The following SPAG9 variants were observed in gnomAD, a reference collection of about 807,000 sequenced individuals.
The protein encoded by SPAG9 is sperm associated antigen 9.
SPAG9 carries 35 observed loss-of-function variants against 166.5 expected under a neutral mutation model. The observed-to-expected ratio is 0.21, with a 90% CI of 0.16 to 0.28. The LOEUF is 0.28. Among genes scored for constraint, SPAG9 ranks in the 10% least tolerant of loss-of-function variants. The pLI is 1.00. For missense variants in SPAG9, 1,235 were observed against 1,603.3 expected, an observed-to-expected ratio of 0.77 and a Z score of 3.92; for synonymous variants, 534 against 565.5, an observed-to-expected ratio of 0.94 and a Z score of 0.79.
At chr17:50,995,837 A>T (rs1407257101) in intron 16 of SPAG9, 9 of 265,266 alleles carry the variant, frequency 3.4e-5, no homozygotes, top group East Asian at 8.7e-5. Flanking sequence ...CTAATTTTTT[A>T]AATTTTTTGT....
chr17:51,008,243 C>T (rs1055763168), intron 9 of SPAG9, among the ~76,000 whole-genome samples: 4 of 152,048 alleles, frequency 2.6e-5, no homozygotes, highest in East Asian at 1.9e-4. Context: ...GAGATAAGCA[C>T]GTAGAGCATC....
intron 20 of SPAG9, 98 bp from the exon 21 acceptor site, chr17:50,989,970 A>ACTC (rs1228951981): frequency 1.1e-6 from 1 of 904,312 alleles, no homozygotes; most frequent in Non-Finnish European, 1.8e-6. Flanking sequence ...CCATCTACCC[A>ACTC]CTCCTTCACA....
At chr17:51,052,463 G>A (rs1488342575) in intron 3 of SPAG9, among the ~76,000 whole-genome samples, 1 of 152,126 alleles carries the variant, frequency 6.6e-6, no homozygotes, top group Non-Finnish European at 1.5e-5. Context: ...TCAGGTCAGA[G>A]GATAGAAGCT....
At chr17:51,051,491 G>A (rs968267538) in intron 3 of SPAG9, among the ~76,000 whole-genome samples, 1 of 152,164 alleles carries the variant, frequency 6.6e-6, no homozygotes, top group African/African-American at 2.4e-5. Flanking sequence ...AGGCCGGGAC[G>A]GGCAGATCAC....
chr17:51,105,528 C>G (rs1165344230), intron 1 of SPAG9, among the ~76,000 whole-genome samples: 1 of 152,114 alleles, frequency 6.6e-6, no homozygotes, highest in Admixed American at 6.6e-5. Context: ...GCTGAAAGAG[C>G]AGCTTAACCT....
Position 51,007,239 on chromosome 17 carries a change from ATCTTCTGTTAAAAT to A in SPAG9, c.1271+16_1271+29del, listed in dbSNP as rs1408118557. On this transcript the variant is annotated intron_variant, in intron 10 of 29. Transcript: ENST00000262013. ...GACTTGGACAAGAAGAAAATTCTTT[ATCTTCTGTTAAAAT>A]TTCACATATACTTACTTGGTTTCCA... 1 of 1,283,126 alleles carries A rather than the reference ATCTTCTGTTAAAAT, an allele frequency of 7.8e-7. No individual in the cohort carries two copies. The highest frequency in any genetic ancestry group is 1.5e-5 in the African/African-American group (1 of 66,756). 79.5% of individuals were successfully genotyped at this position (1,283,126 alleles called of 1,614,324 possible).
At position 50,993,941 on chromosome 17, in the gene SPAG9, T is replaced by A. The variant is rs191498505; in HGVS notation, c.2227-6A>T. On this transcript the variant is annotated splice_region_variant and splice_polypyrimidine_tract_variant and intron_variant, in intron 18 of 29. Coordinates refer to ENST00000262013, the MANE Select transcript of SPAG9 (RefSeq NM_001130528.3). ...TTTAACTCCTTCTGCTGTTCCTGTA[T>A]AGGCAAAGGAGGAAAAATGTTTAAA... The A allele has an allele frequency of 1.2e-5, 20 of 1,612,402 alleles. No individual in the cohort carries two copies. In the African/African-American group the frequency reaches 2.4e-4, roughly 19 times the overall value.
At chr17:51,095,701 G>GAT (rs1014606328) in intron 1 of SPAG9, among the ~76,000 whole-genome samples, 3 of 144,134 alleles carry the variant, frequency 2.1e-5, no homozygotes, top group South Asian at 4.3e-4. Context: ...TATATATAGT[G>GAT]ATATATATAG....
At chr17:50,986,839 G>A (rs1975083392) in intron 22 of SPAG9, among the ~76,000 whole-genome samples, 1 of 152,078 alleles carries the variant, frequency 6.6e-6, no homozygotes, top group South Asian at 2.1e-4. Flanking sequence ...TATTTCTGGA[G>A]CACCTCGATT....
intron 1 of SPAG9, among the ~76,000 whole-genome samples, chr17:51,091,812 C>T (rs1185373251): frequency 6.7e-6 from 1 of 148,664 alleles, no homozygotes; most frequent in Non-Finnish European, 1.5e-5. Context: ...AACTAGACAC[C>T]GTTAAAAAAA....
intron 5 of SPAG9, among the ~76,000 whole-genome samples, chr17:51,035,578 C>T (rs1336076617): frequency 6.6e-6 from 1 of 152,058 alleles, no homozygotes; most frequent in Non-Finnish European, 1.5e-5. Context: ...AACAAGAATG[C>T]TGGCTCTGTT....
At chr17:51,024,942 C>G (rs1164839723) in intron 6 of SPAG9, among the ~76,000 whole-genome samples, 2 of 151,678 alleles carry the variant, frequency 1.3e-5, no homozygotes, top group South Asian at 2.1e-4. Flanking sequence ...TCGCTTGAAC[C>G]CAGGAGGCAG....
rs1054673446 is a variant in SPAG9 at position 50,989,534 on chromosome 17, T to A, written c.2813+143A>T. On this transcript the variant is annotated intron_variant, in intron 21 of 29. Coordinates refer to ENST00000262013, the MANE Select transcript of SPAG9 (RefSeq NM_001130528.3). ...GCGAGAATGATGGAGCGGGAATACA[T>A]GAAATTATCACAAGAATAGGTATCT... 17 of 751,346 alleles carry A rather than the reference T, an allele frequency of 2.3e-5. No homozygotes were observed. In the Admixed American group the frequency reaches 3.3e-4, roughly 14 times the overall value. The allele number at this position is 751,346 out of a possible 1,614,324, so 46.5% of individuals were successfully genotyped here.
intron 1 of SPAG9, among the ~76,000 whole-genome samples, chr17:51,084,560 C>T (rs1318164039): frequency 6.6e-6 from 1 of 152,088 alleles, no homozygotes; most frequent in African/African-American, 2.4e-5. Flanking sequence ...GCATGGGCTA[C>T]CACGCCCAGC....
At chr17:51,061,109 G>C (rs1210150701) in intron 2 of SPAG9, among the ~76,000 whole-genome samples, 1 of 151,598 alleles carries the variant, frequency 6.6e-6, no homozygotes, top group Non-Finnish European at 1.5e-5. Flanking sequence ...GCCTCCCAAA[G>C]TGCTAGGATT....
chr17:51,065,552 G>A (rs1386403170), intron 2 of SPAG9, among the ~76,000 whole-genome samples: 1 of 152,182 alleles, frequency 6.6e-6, no homozygotes, highest in East Asian at 1.9e-4. Context: ...ATAGGCAGAT[G>A]GTTGCTAAGC....
At chr17:51,115,866 AAAGG>A (rs1323418066) in intron 1 of SPAG9, among the ~76,000 whole-genome samples, 1 of 150,962 alleles carries the variant, frequency 6.6e-6, no homozygotes, top group African/African-American at 2.4e-5. Flanking sequence ...AAGAAAAAGA[AAAGG>A]AAGGAAGACA....
rs148508455 is a variant in SPAG9 at position 51,002,731 on chromosome 17, T to A, written c.1477-886A>T. Reference sequence around the variant, plus strand: ...ATGACCATACCACTGCAGTCCAACCTGGGCAAGAGAGTGCAATCCTGTCTT... The same window carrying A: ...ATGACCATACCACTGCAGTCCAACCAGGGCAAGAGAGTGCAATCCTGTCTT... On this transcript the variant is annotated intron_variant, in intron 12 of 29. Coordinates refer to ENST00000262013, the MANE Select transcript of SPAG9 (RefSeq NM_001130528.3). Among the ~76,000 whole-genome samples the A allele has an allele frequency of 7.2e-5, 11 of 152,086 alleles. No individual in the cohort carries two copies. The East Asian group carries it at 2.1e-3, about 30-fold the overall frequency.
chr17:51,022,079 C>T (rs553553345), intron 6 of SPAG9, among the ~76,000 whole-genome samples: 12 of 149,106 alleles, frequency 8.0e-5, no homozygotes, highest in South Asian at 2.1e-4. Context: ...GCTGAGATCA[C>T]GCCACTGCAC....
Sources: allele counts gnomAD v4.1 joint callset (sites outside exome capture counted in the v4.1 genomes callset), GRCh38; gene constraint gnomAD v4.1.1; transcripts MANE v1.5; gene names NCBI Gene and HGNC (gene_info 2026-07-23, HGNC 2026-07-21).